KIAA0825: variants seen among roughly 807,000 people sequenced by gnomAD.
The protein encoded by KIAA0825 is uncharacterized protein KIAA0825.
Under a neutral mutation model 147.6 loss-of-function variants are expected in KIAA0825, and 119 were observed. The observed-to-expected ratio is 0.81, with a 90% CI of 0.69 to 0.94. The LOEUF (loss-of-function observed/expected upper bound fraction) is 0.94. Ranked by LOEUF, KIAA0825 falls within the 40% of genes least tolerant of loss-of-function variation. The pLI, the probability that KIAA0825 is intolerant of heterozygous loss-of-function variation, is 0.00. For missense variants in KIAA0825, 1,381 were observed against 1,472.7 expected, an observed-to-expected ratio of 0.94 and a Z score of 1.02; for synonymous variants, 470 against 518.1, an observed-to-expected ratio of 0.91 and a Z score of 1.26.
At chr5:94,485,224 C>CTT (rs150180334) in intron 5 of KIAA0825, among the ~76,000 whole-genome samples, 1 of 147,340 alleles carries the variant, frequency 6.8e-6, no homozygotes, top group African/African-American at 2.5e-5. Flanking sequence ...CGCAATTCTG[C>CTT]TTTTTTTTTT....
chr5:94,301,872 T>C (rs1424914015), intron 20 of KIAA0825, among the ~76,000 whole-genome samples: 2 of 152,180 alleles, frequency 1.3e-5, no homozygotes, highest in African/African-American at 2.4e-5. Flanking sequence ...GTTTTGATTT[T>C]ATCCCTCTAA....
intron 20 of KIAA0825, among the ~76,000 whole-genome samples, chr5:94,303,962 G>A (rs972310581): frequency 6.6e-6 from 1 of 152,006 alleles, no homozygotes; most frequent in Non-Finnish European, 1.5e-5. Flanking sequence ...CTCATTTTTT[G>A]AATGATAATC....
chr5:94,516,078 G>GA (rs1479274621), intron 5 of KIAA0825, among the ~76,000 whole-genome samples: 2 of 151,922 alleles, frequency 1.3e-5, no homozygotes, highest in African/African-American at 4.8e-5. Flanking sequence ...ATTCAAAACT[G>GA]AATATAAAGT....
chr5:94,177,555 A>G (rs918517129), intron 20 of KIAA0825, among the ~76,000 whole-genome samples: 1 of 152,168 alleles, frequency 6.6e-6, no homozygotes, highest in African/African-American at 2.4e-5. Context: ...TGAAATTCCT[A>G]CTGTTGTGGA....
At chr5:94,200,804 C>A (rs1161815318) in intron 20 of KIAA0825, among the ~76,000 whole-genome samples, 1 of 151,882 alleles carries the variant, frequency 6.6e-6, no homozygotes, top group Non-Finnish European at 1.5e-5. Context: ...TTATCTCCTA[C>A]TCCTACTCCT....
chr5:94,212,208 TC>T (rs1416675042), intron 20 of KIAA0825, among the ~76,000 whole-genome samples: 1 of 152,220 alleles, frequency 6.6e-6, no homozygotes, highest in Non-Finnish European at 1.5e-5. Context: ...CGCAAAGTAA[TC>T]TTGTGTTTCT....
intron 20 of KIAA0825, among the ~76,000 whole-genome samples, chr5:94,336,418 AC>A (rs1301610343): frequency 1.4e-5 from 1 of 71,528 alleles, no homozygotes; most frequent in African/African-American, 5.3e-5. Flanking sequence ...CTAGCCCCCC[AC>A]CCCCCAAACA....
chr5:94,282,306 G>T (rs1178914302), intron 20 of KIAA0825, among the ~76,000 whole-genome samples: 2 of 151,904 alleles, frequency 1.3e-5, no homozygotes, highest in Middle Eastern at 3.4e-3. Context: ...TTTTTTTTAT[G>T]AATTCAAACT....
chr5:94,507,844 T>C (rs572528116), intron 5 of KIAA0825, among the ~76,000 whole-genome samples: 18 of 152,230 alleles, frequency 1.2e-4, no homozygotes, highest in Non-Finnish European at 2.4e-4. Context: ...CAATTGTATA[T>C]GTGGAAATTT....
chr5:94,327,447 C>T (rs1009248543), intron 20 of KIAA0825, among the ~76,000 whole-genome samples: 9 of 151,844 alleles, frequency 5.9e-5, no homozygotes, highest in Admixed American at 1.3e-4. Flanking sequence ...TCTTCATCAC[C>T]GTCTCTACAG....
At chr5:94,238,826 TG>T (rs1382278580) in intron 20 of KIAA0825, among the ~76,000 whole-genome samples, 1 of 152,128 alleles carries the variant, frequency 6.6e-6, no homozygotes, top group Non-Finnish European at 1.5e-5. Flanking sequence ...TAGGTAAGCA[TG>T]ACATTTAAAT....
intron 16 of KIAA0825, among the ~76,000 whole-genome samples, chr5:94,400,634 A>G (rs1457486694): frequency 1.3e-5 from 2 of 152,206 alleles, no homozygotes; most frequent in Non-Finnish European, 2.9e-5. Flanking sequence ...ATATCTTCTC[A>G]GGTATATCTT....
intron 20 of KIAA0825, among the ~76,000 whole-genome samples, chr5:94,381,758 T>G (rs1156789493): frequency 6.6e-6 from 1 of 152,170 alleles, no homozygotes; most frequent in Non-Finnish European, 1.5e-5. Context: ...TAAGGAAATC[T>G]AAAGTCAAAG....
chr5:94,314,004 A>G (rs947785255), intron 20 of KIAA0825, among the ~76,000 whole-genome samples: 2 of 151,628 alleles, frequency 1.3e-5, no homozygotes, highest in African/African-American at 4.8e-5. Context: ...TGGTTTAAAC[A>G]TAAGATTCTT....
intron 13 of KIAA0825, among the ~76,000 whole-genome samples, chr5:94,442,390 G>T (rs566502102): frequency 1.7e-3 from 258 of 152,274 alleles, no homozygotes; most frequent in Non-Finnish European, 3.2e-3. Flanking sequence ...GAAACCTCCT[G>T]CCTTGGGTGA....
intron 20 of KIAA0825, among the ~76,000 whole-genome samples, chr5:94,196,598 T>G (rs1157678945): frequency 6.6e-6 from 1 of 152,140 alleles, no homozygotes; most frequent in Non-Finnish European, 1.5e-5. Context: ...ATAGGTAGTT[T>G]TTCGACCCTT....
At chr5:94,453,236 G>A (rs1381862663) in intron 12 of KIAA0825, among the ~76,000 whole-genome samples, 167 bp from the exon 13 acceptor site, 1 of 151,938 alleles carries the variant, frequency 6.6e-6, no homozygotes, top group Admixed American at 6.6e-5. Flanking sequence ...GTAGTGGTGC[G>A]ATTCCGGCTC....
chr5:94,339,057 T>C (rs935063322), intron 20 of KIAA0825, among the ~76,000 whole-genome samples: 6 of 152,190 alleles, frequency 3.9e-5, no homozygotes, highest in Non-Finnish European at 8.8e-5. Flanking sequence ...TCTTTCTTCT[T>C]CCTTAAAAAT....
chr5:94,513,795 T>C (rs1419909627), intron 5 of KIAA0825, among the ~76,000 whole-genome samples: 2 of 151,994 alleles, frequency 1.3e-5, no homozygotes, highest in African/African-American at 2.4e-5. Flanking sequence ...GATTTTTAAT[T>C]TAATAAATAA....
Sources: allele counts gnomAD v4.1 joint callset (sites outside exome capture counted in the v4.1 genomes callset), GRCh38; gene constraint gnomAD v4.1.1; transcripts MANE v1.5; gene names NCBI Gene and HGNC (gene_info 2026-07-23, HGNC 2026-07-21).